ROBO1: variants seen among roughly 807,000 people sequenced by gnomAD.
The protein encoded by ROBO1 is roundabout guidance receptor 1, also known as roundabout homolog 1.
Under a neutral mutation model 195.9 loss-of-function variants are expected in ROBO1, and 149 were observed. That is an observed-to-expected ratio of 0.76 (90% CI 0.67 to 0.87). The LOEUF is 0.87. Ranked by LOEUF, ROBO1 falls within the 40% of genes least tolerant of loss-of-function variation. The pLI is 0.00. For synonymous variants in ROBO1, 816 were observed against 733.2 expected (o/e 1.11, Z -1.82); for missense variants, 1,933 against 2,068.3 (o/e 0.93, Z 1.27).
intron 4 of ROBO1, among the ~76,000 whole-genome samples, chr3:78,829,400 T>C (rs1305462882): frequency 6.6e-6 from 1 of 152,244 alleles, no homozygotes; most frequent in Non-Finnish European, 1.5e-5. Flanking sequence ...TTCTTTTTTC[T>C]GTCTTTACTA....
intron 2 of ROBO1, among the ~76,000 whole-genome samples, chr3:79,479,288 C>T (rs537500604): frequency 5.3e-5 from 8 of 152,236 alleles, no homozygotes; most frequent in African/African-American, 1.9e-4. Flanking sequence ...AACTGTTCCA[C>T]CTCAGATTAT....
chr3:78,659,686 C>A lies in ROBO1; in HGVS notation c.2442G>T (p.Lys814Asn), dbSNP rs1707261525. ...DTQNGMVQEY[K>N]VWCLGNETRY... ...ATATATATATATATTATACTCATAC[C>A]TTATACTCTTGGACCATTCCATTTT... The change falls in exon 17 of 31, where the codon AAG (lysine) becomes AAT (asparagine). Residue 814 changes from lysine (K) to asparagine (N), a missense_variant and splice_region_variant. Physicochemically the swap from Lys to Asn is moderately conservative, Grantham distance 94. Around this residue, in one of 3 missense-constraint regions of ROBO1, gnomAD observed 1,737 missense variants for 1,882.5 expected, o/e 0.92. Coordinates refer to ENST00000464233, the MANE Select transcript of ROBO1 (RefSeq NM_002941.4). 1 of 1,541,916 alleles carries A rather than the reference C, an allele frequency of 6.5e-7. No individual in the cohort carries two copies. The highest frequency in any genetic ancestry group is 1.4e-5 in the African/African-American group (1 of 72,520).
chr3:79,042,679 C>T (rs1233570562), intron 3 of ROBO1, among the ~76,000 whole-genome samples: 1 of 152,010 alleles, frequency 6.6e-6, no homozygotes, highest in Non-Finnish European at 1.5e-5. Flanking sequence ...TCTATAAGTA[C>T]AAAATGAGAA....
At chr3:79,472,416 G>T (rs1284995150) in intron 2 of ROBO1, among the ~76,000 whole-genome samples, 5 of 151,992 alleles carry the variant, frequency 3.3e-5, no homozygotes, top group African/African-American at 4.8e-5. Context: ...ATGACTTTTG[G>T]TGTCTGAGTA....
chr3:78,953,186 G>C lies in ROBO1; in HGVS notation c.173-14259C>G, dbSNP rs143637639. On this transcript the variant is annotated intron_variant, in intron 3 of 30. Transcript: ENST00000464233. ...GACCCAAATATCATAGAAGCTAGAA[G>C]GGCAATAACTGGAGAATTGTCACTA... 5.4e-3 allele frequency among the ~76,000 whole-genome samples: 827 copies of C among 152,040 alleles called. 9 individuals carry two copies. The highest frequency in any genetic ancestry group is 0.037 in the Middle Eastern group (11 of 294).
intron 2 of ROBO1, among the ~76,000 whole-genome samples, chr3:79,169,876 G>C (rs1429651545): frequency 1.3e-5 from 2 of 152,016 alleles, no homozygotes; most frequent in African/African-American, 2.4e-5. Flanking sequence ...ATAAAAATAA[G>C]AATAGGGCCT....
intron 1 of ROBO1, among the ~76,000 whole-genome samples, chr3:79,624,034 GC>G (rs1319699500): frequency 6.6e-6 from 1 of 152,146 alleles, no homozygotes. Context: ...GAAATTGGGG[GC>G]CAATATTCAA....
chr3:78,946,227 C>A lies in ROBO1; in HGVS notation c.173-7300G>T, dbSNP rs201744972. Among the ~76,000 whole-genome samples, 19 of 152,224 alleles carry A rather than the reference C, an allele frequency of 1.2e-4. No individual in the cohort carries two copies. In the South Asian group the frequency reaches 2.1e-3, roughly 17 times the overall value. On this transcript the variant is annotated intron_variant, in intron 3 of 30. Transcript: ENST00000464233. ...TTCCAAGACACATAATTGTCAGATT[C>A]ACCAAAGTTGAAATGAAGGAAAAAA...
At chr3:78,830,385 A>G (rs1024472816) in intron 4 of ROBO1, among the ~76,000 whole-genome samples, 15 of 152,216 alleles carry the variant, frequency 9.9e-5, no homozygotes, top group Admixed American at 6.5e-5. Flanking sequence ...AATCCACTGT[A>G]TTAATCTGTT....
chr3:79,155,750 C>A (rs2080847826), intron 2 of ROBO1, among the ~76,000 whole-genome samples: 1 of 151,726 alleles, frequency 6.6e-6, no homozygotes, highest in Non-Finnish European at 1.5e-5. Context: ...CCAGTTTGCA[C>A]AACTGGAAAG....
At chr3:79,031,754 G>A (rs927544344) in intron 3 of ROBO1, among the ~76,000 whole-genome samples, 7 of 152,114 alleles carry the variant, frequency 4.6e-5, no homozygotes, top group African/African-American at 1.7e-4. Context: ...TCGTGAAAAA[G>A]AAAGCTCAAG....
chr3:78,866,224 A>C (rs1259638830), intron 4 of ROBO1, among the ~76,000 whole-genome samples: 1 of 152,262 alleles, frequency 6.6e-6, no homozygotes, highest in Middle Eastern at 3.2e-3. Context: ...TTACAAAATT[A>C]TTATAGATGA....
intron 2 of ROBO1, among the ~76,000 whole-genome samples, chr3:79,439,054 TTC>T (rs2038973348): frequency 6.6e-6 from 1 of 152,104 alleles, no homozygotes; most frequent in African/African-American, 2.4e-5. Context: ...CAAATGTATT[TTC>T]TGTCTGTTAA....
At chr3:79,242,997 C>A (rs1052104296) in intron 2 of ROBO1, among the ~76,000 whole-genome samples, 1 of 133,676 alleles carries the variant, frequency 7.5e-6, no homozygotes, top group Non-Finnish European at 1.6e-5. Flanking sequence ...CCCCACCCCA[C>A]AACATGCCCT....
At chr3:79,692,991 G>C (rs947355687) in intron 1 of ROBO1, among the ~76,000 whole-genome samples, 2 of 151,610 alleles carry the variant, frequency 1.3e-5, no homozygotes, top group African/African-American at 4.8e-5. Context: ...AATGTGTTTT[G>C]ACTTTGATCC....
chr3:79,716,852 T>G (rs1702508489), intron 1 of ROBO1, among the ~76,000 whole-genome samples: 1 of 152,000 alleles, frequency 6.6e-6, no homozygotes. Context: ...TTCGATGACA[T>G]TTTGTTGATA....
chr3:79,147,563 T>C (rs1298025180), intron 2 of ROBO1, among the ~76,000 whole-genome samples: 3 of 151,934 alleles, frequency 2.0e-5, no homozygotes, highest in African/African-American at 2.4e-5. Context: ...CTTTAGGAAA[T>C]TGGGTGTTAG....
In ROBO1 at chr3:79,229,201, G is replaced by A. The variant is rs373836176; in HGVS notation, c.89-103662C>T. On this transcript the variant is annotated intron_variant, in intron 2 of 30. Coordinates refer to ENST00000464233, the MANE Select transcript of ROBO1 (RefSeq NM_002941.4). ...CAATTTAAACAATTCTAAATGCATT[G>A]CTTTATTTTAATAATGTTTGGTAGA... 3.9e-5 allele frequency among the ~76,000 whole-genome samples: 6 copies of A among 152,124 alleles called. No homozygotes were observed. In the South Asian group the frequency reaches 8.3e-4, roughly 21 times the overall value.
At chr3:78,931,491 C>T (rs2039530842) in intron 4 of ROBO1, among the ~76,000 whole-genome samples, 1 of 151,960 alleles carries the variant, frequency 6.6e-6, no homozygotes, top group Non-Finnish European at 1.5e-5. Flanking sequence ...AGCGATCTGC[C>T]CACCTCGGCC....
Sources: allele counts gnomAD v4.1 joint callset (sites outside exome capture counted in the v4.1 genomes callset), GRCh38; gene constraint gnomAD v4.1.1; regional missense constraint gnomAD v4.1.1; transcripts MANE v1.5; gene names NCBI Gene and HGNC (gene_info 2026-07-23, HGNC 2026-07-21).